The following ZNF397 variants were observed in gnomAD, a reference collection of about 807,000 sequenced individuals.
ZNF397 encodes zinc finger protein 397.
A neutral mutation model predicts 50.6 loss-of-function variants in ZNF397; 38 were observed. That is an observed-to-expected ratio of 0.75 (90% CI 0.58 to 0.98). The LOEUF is 0.98. Among genes scored for constraint, ZNF397 ranks in the 50% least tolerant of loss-of-function variants. The pLI is 0.00. For missense variants in ZNF397, 624 were observed against 624.1 expected (o/e 1.00, Z 0.00); for synonymous variants, 228 against 215.2 (o/e 1.06, Z -0.52).
At chr18:35,256,825 G>A (rs2043840560) in intron 5 of ZNF397, among the ~76,000 whole-genome samples, 1 of 152,310 alleles carries the variant, frequency 6.6e-6, no homozygotes, top group East Asian at 1.9e-4. Context: ...TCAGGCTGGA[G>A]TTCAGTGGTA....
chr18:35,246,212 C>T lies in ZNF397; in HGVS notation c.1507C>T (p.His503Tyr), dbSNP rs1167031462. The change falls in exon 4 of 4, where the codon CAT becomes TAT. Residue 503 changes from histidine (H) to tyrosine (Y), a missense_variant. His to Tyr is a moderately conservative substitution (Grantham distance 83). Coordinates refer to ENST00000330501, the MANE Select transcript of ZNF397 (RefSeq NM_001135178.3). ...AGCCCTTGTTCAGCATCAGAGAATT[C>T]ATTCTGGGGATGAAGCTTATATATG... ...SSALVQHQRIHSGDEAYICNE... is the reference protein window; with the variant it reads ...SSALVQHQRIYSGDEAYICNE... The T allele has an allele frequency of 3.2e-6, 5 of 1,551,982 alleles. No individual in the cohort carries two copies. Among genetic ancestry groups the T allele is most frequent in the African/African-American group, 2.7e-5 (2 of 73,056 alleles).
downstream of ZNF397, chr18:35,254,066 G>A (rs767635025): frequency 9.3e-6 from 15 of 1,614,050 alleles, no homozygotes; most frequent in South Asian, 1.3e-4. Context: ...GCTCTGTTGT[G>A]TAATATCATT....
downstream of ZNF397, chr18:35,258,900 A>T (rs1192879803): frequency 1.3e-5 from 2 of 152,582 alleles, no homozygotes; most frequent in African/African-American, 4.9e-5. Flanking sequence ...AAAAAAAAAA[A>T]AGGTCAAAGT....
downstream of ZNF397, chr18:35,253,333 C>T (rs1809171887): frequency 2.7e-6 from 2 of 747,662 alleles, no homozygotes; most frequent in Non-Finnish European, 2.1e-6. Flanking sequence ...TCTTATAGTA[C>T]CGAACTGGGA....
downstream of ZNF397, chr18:35,251,633 G>C (rs999498434): frequency 6.6e-6 from 1 of 152,122 alleles, no homozygotes; most frequent in Non-Finnish European, 1.5e-5. Flanking sequence ...TCTCATGATA[G>C]TGAATTCTCA....
chr18:35,253,805 C>T, downstream of ZNF397: 1 of 1,614,210 alleles, frequency 6.2e-7, no homozygotes, highest in Non-Finnish European at 8.5e-7. Context: ...AGTGTGGATT[C>T]TCCGATGCCT....
Position 35,242,703 on chromosome 18 carries a change from G to T in ZNF397, c.233G>T (p.Trp78Leu). The change falls in exon 2 of 4, where the codon TGG (tryptophan) becomes TTG (leucine). Residue 78 changes from tryptophan to leucine, a missense_variant. By Grantham distance (61) the Trp-to-Leu change is moderately conservative. Coordinates refer to ENST00000330501, the MANE Select transcript of ZNF397 (RefSeq NM_001135178.3). Reference protein sequence around the residue: ...LSRLQELCYQWLMPELHTKEQ... With the variant: ...LSRLQELCYQLLMPELHTKEQ... ...CGACTCCAGGAACTTTGCTATCAGT[G>T]GCTAATGCCAGAGTTGCACACAAAG... 1 of 1,614,222 alleles carries T rather than the reference G, an allele frequency of 6.2e-7. No homozygotes were observed. Among genetic ancestry groups the T allele is most frequent in the Non-Finnish European group, 8.5e-7 (1 of 1,180,040 alleles).
chr18:35,253,827 A>G (rs202142061), downstream of ZNF397: 1 of 1,614,188 alleles, frequency 6.2e-7, no homozygotes, highest in African/African-American at 1.3e-5. Context: ...ATGAGCTCTG[A>G]ACTGCCCCTG....
downstream of ZNF397, chr18:35,252,646 G>C (rs984215575): frequency 1.3e-5 from 2 of 152,126 alleles, no homozygotes; most frequent in African/African-American, 4.8e-5. Context: ...TATCCAGGAA[G>C]TCTTTAGTGA....
Position 35,242,664 on chromosome 18 carries a change from G to C in ZNF397, c.194G>C (p.Arg65Pro), listed in dbSNP as rs757778188. The C allele has an allele frequency of 1.2e-6, 2 of 1,614,174 alleles. No homozygotes were observed. The highest frequency in any genetic ancestry group is 1.1e-5 in the South Asian group (1 of 91,080). Residue 65 changes from arginine (R) to proline (P), a missense_variant, in exon 2 of 4, where the codon CGG (arginine) becomes CCG (proline). By Grantham distance (103) the Arg-to-Pro change is moderately radical (BLOSUM62 -2). Coordinates refer to ENST00000330501, the MANE Select transcript of ZNF397 (RefSeq NM_001135178.3). ...KFCYQETPGPREALSRLQELC... is the reference protein window; with the variant it reads ...KFCYQETPGPPEALSRLQELC... ...TGCTACCAGGAGACACCTGGGCCCC[G>C]GGAGGCTCTGAGCCGACTCCAGGAA...
At chr18:35,241,652 T>A (rs1912508869) in intron 1 of ZNF397, 1 of 152,248 alleles carries the variant, frequency 6.6e-6, no homozygotes, top group African/African-American at 2.4e-5. Flanking sequence ...TCTTTGCTGC[T>A]TTTGTGTATG....
chr18:35,242,412 T>A lies in ZNF397; in HGVS notation c.-59T>A. 6.6e-7 allele frequency: 1 copy of A among 1,511,094 alleles called. No homozygotes were observed. 93.6% of individuals were successfully genotyped at this position (1,511,094 alleles called of 1,614,324 possible). ...TCAGGAAAGAAGAGATTACTCACAC[T>A]CCTTCGCAAGCACAGAACCAGTTGT... On this transcript the variant is annotated 5_prime_UTR_variant, in exon 2 of 4. Coordinates refer to ENST00000330501, the MANE Select transcript of ZNF397 (RefSeq NM_001135178.3).
chr18:35,245,221 G>A, intron 3 of ZNF397, 41 bp from the exon 4 acceptor site: 1 of 1,518,764 alleles, frequency 6.6e-7, no homozygotes, highest in Non-Finnish European at 8.8e-7. Flanking sequence ...ACGGTGACAA[G>A]AGAAATGTAA....
At chr18:35,245,202 A>G in intron 3 of ZNF397, 60 bp from the exon 4 acceptor site, 1 of 1,478,252 alleles carries the variant, frequency 6.8e-7, no homozygotes, top group Non-Finnish European at 9.0e-7. Context: ...TCTCATGTAG[A>G]AAGTTTTGAC....
At chr18:35,243,463 C>T (rs1231916874) in intron 3 of ZNF397, 170 bp downstream of exon 3, 6 of 833,858 alleles carry the variant, frequency 7.2e-6, no homozygotes, top group African/African-American at 1.7e-5. Context: ...GAATTGCTGT[C>T]AGCCCTCCTG....
chr18:35,246,789 G>T lies in ZNF397; in HGVS notation c.*479G>T. On this transcript the variant is annotated 3_prime_UTR_variant, in exon 4 of 4. Coordinates refer to ENST00000330501, the MANE Select transcript of ZNF397 (RefSeq NM_001135178.3). ...GGGGAAATGGCTTCATCAATGATTT[G>T]TTGAGCCCAGGGCAGGCCAGGAATT... 2.0e-6 allele frequency: 2 copies of T among 986,628 alleles called. No homozygotes were observed. Among genetic ancestry groups the T allele is most frequent in the Non-Finnish European group, 2.4e-6 (2 of 831,144 alleles). The allele number at this position is 986,628 out of a possible 1,614,324, so 61.1% of individuals were successfully genotyped here.
In ZNF397 at chr18:35,246,836, A is replaced by C. The variant is rs769324764; in HGVS notation, c.*526A>C. ...AATTAGATAGGCATGAGAAGAAAGA[A>C]TATAATTTACCCAAAGGTTATTTTT... is the stretch of plus-strand genomic sequence containing the variant. On this transcript the variant is annotated 3_prime_UTR_variant, in exon 4 of 4. Transcript: ENST00000330501. 2.1e-5 allele frequency: 21 copies of C among 985,872 alleles called. No individual in the cohort carries two copies. The highest frequency in any genetic ancestry group is 2.5e-5 in the Non-Finnish European group (21 of 830,452). 61.1% of individuals were successfully genotyped at this position (985,872 alleles called of 1,614,324 possible). A position where few individuals can be genotyped will look rare whatever the true frequency, so the allele number is the denominator to read the frequency against.
rs2043519791 is a variant in ZNF397 at position 35,248,592 on chromosome 18, G to T, written c.*2282G>T. 6.6e-6 allele frequency: 1 copy of T among 152,244 alleles called. No individual in the cohort carries two copies. Among genetic ancestry groups the T allele is most frequent in the African/African-American group, 2.4e-5 (1 of 41,442 alleles). The allele number at this position is 152,244 out of a possible 1,614,324, so 9.4% of individuals were successfully genotyped here. A position where few individuals can be genotyped will look rare whatever the true frequency, so the allele number is the denominator to read the frequency against. ...ACAGTGGCTCACACCTATAATGCCA[G>T]CACTTTGGGAGGCCAAGGCTGGAGG... On this transcript the variant is annotated 3_prime_UTR_variant, in exon 4 of 4. Transcript: ENST00000330501.
chr18:35,243,526 A>C (rs1371345692), intron 3 of ZNF397: 1 of 647,762 alleles, frequency 1.5e-6, no homozygotes, highest in East Asian at 2.7e-5. Context: ...TAACTTTATA[A>C]AGCGTCAATA....
Sources: gnomAD v4.1 joint callset for allele counts (sites outside exome capture counted in the v4.1 genomes callset) on GRCh38, gnomAD v4.1.1 for gene constraint, MANE v1.5 for transcripts, NCBI Gene and HGNC (gene_info 2026-07-23, HGNC 2026-07-21) for gene names.